The following CADPS2 variants were observed in gnomAD, a reference collection of about 807,000 sequenced individuals.
CADPS2 encodes the protein calcium-dependent secretion activator 2.
In CADPS2, 93 loss-of-function variants were observed where a neutral mutation model predicts 172.5. That is an observed-to-expected ratio of 0.54 (90% CI 0.46 to 0.64). The LOEUF is 0.64. Among genes scored for constraint, CADPS2 ranks in the 30% least tolerant of loss-of-function variants. The pLI, the probability that CADPS2 is intolerant of heterozygous loss-of-function variation, is 0.00. For missense variants in CADPS2, 1,420 were observed against 1,565.9 expected, an observed-to-expected ratio of 0.91 and a Z score of 1.57; for synonymous variants, 546 against 555.2, an observed-to-expected ratio of 0.98 and a Z score of 0.23.
At chr7:122,800,325 A>C (rs1486851476) in intron 1 of CADPS2, among the ~76,000 whole-genome samples, 1 of 152,222 alleles carries the variant, frequency 6.6e-6, no homozygotes, top group Non-Finnish European at 1.5e-5. Context: ...ATAGAGGTTC[A>C]ACACGACAAC....
intron 11 of CADPS2, among the ~76,000 whole-genome samples, chr7:122,483,460 A>C (rs1308508708): frequency 6.6e-6 from 1 of 152,114 alleles, no homozygotes; most frequent in Non-Finnish European, 1.5e-5. Flanking sequence ...CTGCACTACA[A>C]GAAAAGTCAA....
chr7:122,704,150 A>C (rs2136343910), intron 2 of CADPS2, among the ~76,000 whole-genome samples: 1 of 152,252 alleles, frequency 6.6e-6, no homozygotes, highest in Admixed American at 6.6e-5. Flanking sequence ...TTAATCATAG[A>C]CATGATAGAG....
intron 2 of CADPS2, among the ~76,000 whole-genome samples, chr7:122,709,621 G>A (rs558490667): frequency 1.1e-4 from 17 of 151,800 alleles, no homozygotes; most frequent in Middle Eastern, 3.4e-3. Flanking sequence ...TGTTTATTGC[G>A]GCACTATTCA....
chr7:122,765,267 T>G (rs895181450), intron 1 of CADPS2, among the ~76,000 whole-genome samples: 5 of 152,152 alleles, frequency 3.3e-5, no homozygotes, highest in Admixed American at 3.3e-4. Flanking sequence ...AAGTCTCTAA[T>G]TCAAGTTTTA....
chr7:122,645,417 G>GTACATGTGTGTA (rs1563948956), intron 3 of CADPS2, among the ~76,000 whole-genome samples: 4 of 59,226 alleles, frequency 6.8e-5, no homozygotes, highest in African/African-American at 2.2e-4. Flanking sequence ...ATACACACAT[G>GTACATGTGTGTA]TATATGTGTG....
intron 1 of CADPS2, among the ~76,000 whole-genome samples, chr7:122,790,134 T>C (rs1180735184): frequency 6.7e-6 from 1 of 150,114 alleles, no homozygotes; most frequent in African/African-American, 2.5e-5. Context: ...CAATGGCTCA[T>C]GCCTGTCATC....
chr7:122,765,579 TA>T (rs1275915402), intron 1 of CADPS2, among the ~76,000 whole-genome samples: 1 of 152,084 alleles, frequency 6.6e-6, no homozygotes, highest in Admixed American at 6.6e-5. Context: ...CTATTTAAAA[TA>T]AAACTATAAT....
In CADPS2 at chr7:122,886,136, G is replaced by C. The variant is rs1204139109; in HGVS notation, c.202C>G (p.Arg68Gly). The change falls in exon 1 of 30, where the codon CGA becomes GGA. Residue 68 changes from arginine to glycine, a missense_variant. Transcript: ENST00000449022. The stretch of plus-strand genomic sequence containing the variant: ...TCCAGCTGCCGCTGGGGCTCGTCTC[G>C]CCCCTCGCTGAGCACAGAGGGGCTC... The part of the protein sequence containing the change: ...SPSPSVLSEG[R>G]DEPQRQLDDE... The C allele has an allele frequency of 1.3e-6, 2 of 1,552,966 alleles. No homozygotes were observed. The highest frequency in any genetic ancestry group is 1.2e-5 in the South Asian group (1 of 84,226).
In CADPS2 at chr7:122,471,389, A is replaced by G. The variant is rs1424629260; in HGVS notation, c.2172T>C (p.His724=). The change falls in exon 14 of 30, where the codon CAT becomes CAC. Residue 724 remains histidine (H), a synonymous_variant. Coordinates refer to ENST00000449022, the MANE Select transcript of CADPS2 (RefSeq NM_017954.11). ...LHYSFAFCAS[H]VHGNRPDGIG... ...AGTAAAAATACCTGTTGCCGTGCACATGAGAGGCACAGAATGCAAAGCTGT... is the reference window on the plus strand; with the variant it reads ...AGTAAAAATACCTGTTGCCGTGCACGTGAGAGGCACAGAATGCAAAGCTGT... 6.8e-6 allele frequency: 11 copies of G among 1,612,630 alleles called. No individual in the cohort carries two copies. Among genetic ancestry groups the G allele is most frequent in the Admixed American group, 1.7e-5 (1 of 59,810 alleles).
At chr7:122,852,419 G>A (rs370654451) in intron 1 of CADPS2, among the ~76,000 whole-genome samples, 10 of 152,316 alleles carry the variant, frequency 6.6e-5, no homozygotes, top group African/African-American at 2.2e-4. Flanking sequence ...GTGTTGTATA[G>A]TATATTAAGA....
chr7:122,454,996 C>G (rs561879881), intron 14 of CADPS2, among the ~76,000 whole-genome samples: 3 of 152,296 alleles, frequency 2.0e-5, no homozygotes, highest in Admixed American at 2.0e-4. Flanking sequence ...AACCATCAGT[C>G]ATTATGACAG....
chr7:122,813,934 G>A (rs192300649), intron 1 of CADPS2, among the ~76,000 whole-genome samples: 3 of 151,992 alleles, frequency 2.0e-5, no homozygotes, highest in Non-Finnish European at 4.4e-5. Context: ...AAAGTTTTAA[G>A]GTAATATTGA....
At position 122,399,660 on chromosome 7, in the gene CADPS2, C is replaced by CTTTTTTTTTTTTTTTTT. The variant is rs1008163151; in HGVS notation, c.2747-6095_2747-6079dup. On this transcript the variant is annotated intron_variant, in intron 20 of 29. Coordinates refer to ENST00000449022, the MANE Select transcript of CADPS2 (RefSeq NM_017954.11). The stretch of plus-strand genomic sequence containing the variant: ...CGATAACTCTCTCAAGGGTGGGTTT[C>CTTTTTTTTTTTTTTTTT]TTTTTTTTTTTTTTTTTTTTTTTTT... 4.9e-4 allele frequency among the ~76,000 whole-genome samples: 25 copies of CTTTTTTTTTTTTTTTTT among 51,226 alleles called. 6 individuals are homozygous for CTTTTTTTTTTTTTTTTT. Among genetic ancestry groups the CTTTTTTTTTTTTTTTTT allele is most frequent in the Non-Finnish European group, 7.8e-4 (21 of 27,066 alleles). The allele number at this position is 51,226 out of a possible 152,430, so 33.6% of individuals were successfully genotyped here. A position where few individuals can be genotyped will look rare whatever the true frequency, so the allele number is the denominator to read the frequency against.
intron 25 of CADPS2, 93 bp downstream of exon 25, chr7:122,379,275 A>AT (rs201225252): frequency 0.016 from 13,262 of 813,758 alleles, 165 homozygotes; most frequent in Non-Finnish European, 0.021. Context: ...TTTAAACTAC[A>AT]TTTTTTCTCA....
chr7:122,841,132 G>A (rs1301966387), intron 1 of CADPS2, among the ~76,000 whole-genome samples: 1 of 152,084 alleles, frequency 6.6e-6, no homozygotes, highest in East Asian at 1.9e-4. Flanking sequence ...TTCCTTTTTA[G>A]TTAATGCCTA....
intron 25 of CADPS2, among the ~76,000 whole-genome samples, chr7:122,367,849 G>A (rs1281845142): frequency 6.6e-6 from 1 of 151,374 alleles, no homozygotes; most frequent in Non-Finnish European, 1.5e-5. Flanking sequence ...CTTTCTGGAG[G>A]CTCTAGGGGA....
At chr7:122,550,602 CT>C (rs11330756) in intron 8 of CADPS2, among the ~76,000 whole-genome samples, 2,317 of 151,976 alleles carry the variant, frequency 0.015, 61 homozygotes, top group African/African-American at 0.053. Context: ...TTTTATTTTA[CT>C]TTTTTTGGTT....
At chr7:122,476,377 C>A (rs2056623296) in intron 12 of CADPS2, among the ~76,000 whole-genome samples, 1 of 151,854 alleles carries the variant, frequency 6.6e-6, no homozygotes, top group South Asian at 2.1e-4. Flanking sequence ...GTAAAAAAAT[C>A]TTTCTTTTAC....
chr7:122,874,143 T>G (rs76168678), intron 1 of CADPS2, among the ~76,000 whole-genome samples: 2,438 of 152,314 alleles, frequency 0.016, 64 homozygotes, highest in African/African-American at 0.055. Flanking sequence ...TCTTTTGCTG[T>G]GCAGAAACTC....
Sources: allele counts gnomAD v4.1 joint callset (sites outside exome capture counted in the v4.1 genomes callset), GRCh38; gene constraint gnomAD v4.1.1; transcripts MANE v1.5; gene names NCBI Gene and HGNC (gene_info 2026-07-23, HGNC 2026-07-21).